Variants in SPMAP2L observed in about 807,000 individuals in gnomAD.
SPMAP2L encodes sperm microtubule associated protein 2-like.
At chr4:56,590,280 A>G in the SPMAP2L span, among the ~76,000 whole-genome samples, 12 of 151,878 alleles carry the variant, frequency 7.9e-5, no homozygotes, top group Non-Finnish European at 4.4e-5. Flanking sequence ...TTTTGTTTTT[A>G]ATTCTGTTTA....
chr4:56,603,527 A>G, the SPMAP2L span: 99 of 423,162 alleles, frequency 2.3e-4, 1 homozygote, highest in Admixed American at 3.8e-3. Flanking sequence ...AGATTTGAGG[A>G]CTCCAGCATG....
At chr4:56,566,185 CTTATTTAT>C in the SPMAP2L span, among the ~76,000 whole-genome samples, 1 of 151,814 alleles carries the variant, frequency 6.6e-6, no homozygotes, top group Non-Finnish European at 1.5e-5. Context: ...TTGTTGCCTT[CTTATTTAT>C]TTATTTACTT....
the SPMAP2L span, among the ~76,000 whole-genome samples, chr4:56,569,866 G>A: frequency 6.6e-6 from 1 of 152,136 alleles, no homozygotes; most frequent in Non-Finnish European, 1.5e-5. Context: ...ATCATGCCGG[G>A]AAGTGGAAGT....
the SPMAP2L span, among the ~76,000 whole-genome samples, chr4:56,545,362 TGAAG>T: frequency 2.4e-4 from 36 of 152,244 alleles, no homozygotes; most frequent in Admixed American, 2.2e-3. Context: ...CTTTTAGAAA[TGAAG>T]GGAGGGTAGA....
the SPMAP2L span, among the ~76,000 whole-genome samples, chr4:56,620,726 C>T: frequency 1.3e-5 from 2 of 152,184 alleles, no homozygotes; most frequent in East Asian, 3.9e-4. Context: ...TCAGCAGGGC[C>T]AGCTGAAGGC....
the SPMAP2L span, among the ~76,000 whole-genome samples, chr4:56,620,542 T>C: frequency 4.6e-5 from 7 of 152,264 alleles, 1 homozygote; most frequent in Non-Finnish European, 8.8e-5. Flanking sequence ...TGCGCCATCA[T>C]GTCCAGCTAA....
At chr4:56,577,761 G>C in the SPMAP2L span, among the ~76,000 whole-genome samples, 67 of 152,174 alleles carry the variant, frequency 4.4e-4, 1 homozygote, top group South Asian at 0.013. Context: ...AATAAAGAAA[G>C]TATTTCAGAC....
At chr4:56,573,014 T>C in the SPMAP2L span, among the ~76,000 whole-genome samples, 2 of 118,830 alleles carry the variant, frequency 1.7e-5, no homozygotes, top group Admixed American at 8.7e-5. Context: ...AGACTCTATC[T>C]CCAAAAAAAA....
the SPMAP2L span, among the ~76,000 whole-genome samples, chr4:56,583,748 T>C: frequency 6.6e-6 from 1 of 152,062 alleles, no homozygotes; most frequent in Admixed American, 6.6e-5. Context: ...ATTTCAGAGA[T>C]TTAAGAGGAG....
the SPMAP2L span, among the ~76,000 whole-genome samples, chr4:56,606,582 G>A: frequency 0.01 from 1,523 of 152,170 alleles, 23 homozygotes; most frequent in African/African-American, 0.034. Context: ...CTCTGATGCC[G>A]GAACTGCCTT....
the SPMAP2L span, among the ~76,000 whole-genome samples, chr4:56,565,510 A>G: frequency 1.3e-5 from 2 of 152,218 alleles, no homozygotes. Flanking sequence ...CAAGCACACA[A>G]CACATAGTTT....
chr4:56,591,287 C>T, the SPMAP2L span, among the ~76,000 whole-genome samples: 30 of 152,168 alleles, frequency 2.0e-4, no homozygotes, highest in South Asian at 4.1e-4. Context: ...TGCCCTTCCA[C>T]CATGATTGTA....
the SPMAP2L span, among the ~76,000 whole-genome samples, chr4:56,537,495 C>G: frequency 1.3e-5 from 2 of 152,258 alleles, no homozygotes; most frequent in East Asian, 3.9e-4. Context: ...CTTCAGTCTC[C>G]CCCATCTAAG....
At chr4:56,563,515 G>A in the SPMAP2L span, among the ~76,000 whole-genome samples, 1 of 152,096 alleles carries the variant, frequency 6.6e-6, no homozygotes, top group Non-Finnish European at 1.5e-5. Context: ...TGGGGGAGGG[G>A]AAGGAGATGG....
the SPMAP2L span, among the ~76,000 whole-genome samples, chr4:56,615,404 G>T: frequency 6.6e-6 from 1 of 152,114 alleles, no homozygotes; most frequent in Non-Finnish European, 1.5e-5. Flanking sequence ...ACTAAATCAG[G>T]GTATGTCAAC....
the SPMAP2L span, among the ~76,000 whole-genome samples, chr4:56,601,488 G>T: frequency 1.3e-5 from 2 of 152,268 alleles, no homozygotes; most frequent in East Asian, 3.9e-4. Flanking sequence ...GCCAGGCACG[G>T]TGGCTCATAC....
At chr4:56,583,539 T>A in the SPMAP2L span, among the ~76,000 whole-genome samples, 1 of 152,160 alleles carries the variant, frequency 6.6e-6, no homozygotes, top group Non-Finnish European at 1.5e-5. Context: ...ATGTATTTAT[T>A]TGAGAAAAAA....
chr4:56,603,080 T>C, the SPMAP2L span: 25 of 521,672 alleles, frequency 4.8e-5, no homozygotes, highest in South Asian at 5.3e-4. Context: ...TCCTTATCTG[T>C]ATAGTGGAGG....
At chr4:56,580,762 T>C in the SPMAP2L span, among the ~76,000 whole-genome samples, 1,038 of 152,262 alleles carry the variant, frequency 6.8e-3, 14 homozygotes, top group African/African-American at 0.024. Flanking sequence ...TAAAGACTAT[T>C]AGAGCTAATA....
Sources: allele counts gnomAD v4.1 joint callset (sites outside exome capture counted in the v4.1 genomes callset), GRCh38; gene constraint gnomAD v4.1.1; transcripts MANE v1.5; gene names NCBI Gene and HGNC (gene_info 2026-07-23, HGNC 2026-07-21).